Variants in MED12L observed in about 807,000 individuals in gnomAD.
The protein encoded by MED12L is mediator complex subunit 12L.
MED12L carries 60 observed loss-of-function variants against 281.3 expected under a neutral mutation model. That is an observed-to-expected ratio of 0.21 (90% CI 0.17 to 0.26). The LOEUF (loss-of-function observed/expected upper bound fraction) is 0.26. MED12L is among the 10% of genes least tolerant of loss of function. The pLI is 1.00. For missense variants in MED12L, 2,146 were observed against 2,680.9 expected (o/e 0.80, Z 4.41); for synonymous variants, 974 against 987.2 (o/e 0.99, Z 0.25).
intron 16 of MED12L, among the ~76,000 whole-genome samples, chr3:151,252,803 T>TA (rs2149458069): frequency 6.6e-6 from 1 of 152,024 alleles, no homozygotes; most frequent in Non-Finnish European, 1.5e-5. Context: ...TTCTAGAACT[T>TA]ATCTAGAAAA....
At chr3:151,235,070 C>A (rs1732462726) in intron 16 of MED12L, among the ~76,000 whole-genome samples, 1 of 152,282 alleles carries the variant, frequency 6.6e-6, no homozygotes, top group Admixed American at 6.5e-5. Context: ...ACACTTAGTG[C>A]CTTTGGCAGG....
At chr3:151,284,573 CAGTG>C (rs1200709621) in intron 16 of MED12L, among the ~76,000 whole-genome samples, 1 of 152,144 alleles carries the variant, frequency 6.6e-6, no homozygotes, top group Non-Finnish European at 1.5e-5. Context: ...AATGAAGAAT[CAGTG>C]AGGCCAAATT....
Position 151,093,967 on chromosome 3 carries a change from C to A in MED12L, c.99+6942C>A, listed in dbSNP as rs148389261. On this transcript the variant is annotated intron_variant, in intron 2 of 44. Transcript: ENST00000687756. ...TGTGATCCTTTAGGAGGTTGGAGGA[C>A]CACACAATGAGATCTGGAGAGTAAA... 6.2e-3 allele frequency among the ~76,000 whole-genome samples: 938 copies of A among 152,234 alleles called. 10 individuals are homozygous for A. Among genetic ancestry groups the A allele is most frequent in the African/African-American group, 0.022 (907 of 41,516 alleles).
chr3:151,327,955 T>C, intron 16 of MED12L: 7 of 1,400,784 alleles, frequency 5.0e-6, no homozygotes, highest in Non-Finnish European at 6.7e-6. Context: ...TACGGAAGTC[T>C]CATCAATAAA....
chr3:151,347,593 A>C (rs1191764412), intron 16 of MED12L, among the ~76,000 whole-genome samples: 1 of 152,174 alleles, frequency 6.6e-6, no homozygotes, highest in Non-Finnish European at 1.5e-5. Context: ...TGGCTATGAG[A>C]GTATTTTAGG....
At chr3:151,326,440 A>G (rs113844070) in intron 16 of MED12L, 3 of 152,638 alleles carry the variant, frequency 2.0e-5, no homozygotes, top group Admixed American at 6.5e-5. Flanking sequence ...AAGTTTAATA[A>G]TATAGGTGTG....
In MED12L at chr3:151,181,673, C is replaced by T. The variant is rs531580939; in HGVS notation, c.1495-3657C>T. 2.8e-5 allele frequency among the ~76,000 whole-genome samples: 4 copies of T among 144,520 alleles called. No individual in the cohort carries two copies. In the East Asian group the frequency reaches 8.3e-4, roughly 30 times the overall value. 94.8% of individuals were successfully genotyped at this position (144,520 alleles called of 152,430 possible). A position where few individuals can be genotyped will look rare whatever the true frequency, so the allele number is the denominator to read the frequency against. ...TCATCTTGGCTCACTGCAGCCTCGG[C>T]TTCCTGGGTTCAAATGATTCTCCTG... On this transcript the variant is annotated intron_variant, in intron 11 of 44. Coordinates refer to ENST00000687756, the MANE Select transcript of MED12L (RefSeq NM_001393769.1).
chr3:151,229,949 A>G (rs534649874), intron 16 of MED12L, among the ~76,000 whole-genome samples: 91 of 152,054 alleles, frequency 6.0e-4, no homozygotes, highest in African/African-American at 2.1e-3. Flanking sequence ...CTAGGCTCAC[A>G]TGTTGGGATC....
chr3:151,198,952 T>A (rs1725101875), intron 16 of MED12L: 1 of 1,613,930 alleles, frequency 6.2e-7, no homozygotes, highest in African/African-American at 1.3e-5. Flanking sequence ...TTGGCACCAT[T>A]ATAAGAAGGA....
intron 43 of MED12L, among the ~76,000 whole-genome samples, chr3:151,423,642 G>T (rs1718531071): frequency 6.6e-6 from 1 of 152,136 alleles, no homozygotes; most frequent in African/African-American, 2.4e-5. Context: ...TTCTTGACTA[G>T]AAAAATATTT....
At chr3:151,419,099 A>G (rs947974960) in intron 43 of MED12L, among the ~76,000 whole-genome samples, 2 of 152,210 alleles carry the variant, frequency 1.3e-5, no homozygotes, top group African/African-American at 2.4e-5. Flanking sequence ...CTGTTGCCCT[A>G]TTGTACTACC....
chr3:151,386,861 A>C (rs902024035), intron 36 of MED12L, among the ~76,000 whole-genome samples: 12 of 152,058 alleles, frequency 7.9e-5, no homozygotes, highest in Admixed American at 2.0e-4. Context: ...GGTGTGAGCC[A>C]CCACACCTAG....
intron 16 of MED12L, among the ~76,000 whole-genome samples, chr3:151,206,587 C>G (rs988543340): frequency 6.9e-6 from 1 of 144,018 alleles, no homozygotes; most frequent in Admixed American, 7.0e-5. Flanking sequence ...TGCTTTTTTT[C>G]CCCCATTTGT....
chr3:151,215,508 T>A (rs1433737434), intron 16 of MED12L, among the ~76,000 whole-genome samples: 2 of 152,110 alleles, frequency 1.3e-5, no homozygotes, highest in Non-Finnish European at 2.9e-5. Context: ...AAATTTTAAA[T>A]TACATATGTG....
At chr3:151,379,458 A>G (rs1711842220) in intron 31 of MED12L, among the ~76,000 whole-genome samples, 1 of 152,244 alleles carries the variant, frequency 6.6e-6, no homozygotes, top group Admixed American at 6.5e-5. Context: ...ATGCCAATTT[A>G]AAACAGAATT....
chr3:151,103,973 G>A (rs536145702), intron 2 of MED12L, among the ~76,000 whole-genome samples: 12 of 152,280 alleles, frequency 7.9e-5, no homozygotes, highest in African/African-American at 2.9e-4. Flanking sequence ...TCATGAATGT[G>A]CTGTTTAAAT....
chr3:151,155,950 G>C (rs1191326518), intron 5 of MED12L, among the ~76,000 whole-genome samples: 1 of 152,204 alleles, frequency 6.6e-6, no homozygotes, highest in Non-Finnish European at 1.5e-5. Flanking sequence ...TGCTGCCACA[G>C]GGCAGGCCAC....
At chr3:151,140,753 C>T (rs1716810755) in intron 5 of MED12L, among the ~76,000 whole-genome samples, 1 of 152,164 alleles carries the variant, frequency 6.6e-6, no homozygotes, top group African/African-American at 2.4e-5. Context: ...GGTCTTGGCT[C>T]ATTGCAACCT....
At chr3:151,367,791 G>A (rs1473348498) in intron 24 of MED12L, 25 bp downstream of exon 24, 7 of 1,580,844 alleles carry the variant, frequency 4.4e-6, no homozygotes, top group Non-Finnish European at 6.0e-6. Flanking sequence ...ATGAACATCC[G>A]TTGCTCTTTG....
Sources: gnomAD v4.1 joint callset for allele counts (sites outside exome capture counted in the v4.1 genomes callset) on GRCh38, gnomAD v4.1.1 for gene constraint, MANE v1.5 for transcripts, NCBI Gene and HGNC (gene_info 2026-07-23, HGNC 2026-07-21) for gene names.